Variants in FAM13C observed in about 807,000 individuals in gnomAD.
The protein encoded by FAM13C is family with sequence similarity 13 member C.
FAM13C carries 37 observed loss-of-function variants against 73.2 expected under a neutral mutation model. That is an observed-to-expected ratio of 0.51 (90% CI 0.39 to 0.67). The LOEUF (loss-of-function observed/expected upper bound fraction) is 0.67, where lower values mean the gene tolerates loss of function less well. Among genes scored for constraint, FAM13C ranks in the 30% least tolerant of loss-of-function variants. The pLI is 0.00. For synonymous variants in FAM13C, 246 were observed against 260.9 expected, an observed-to-expected ratio of 0.94 and a Z score of 0.55; for missense variants, 589 against 715.6, an observed-to-expected ratio of 0.82 and a Z score of 2.02.
intron 5 of FAM13C, among the ~76,000 whole-genome samples, chr10:59,289,445 G>A (rs569739714): frequency 3.3e-5 from 5 of 152,180 alleles, no homozygotes; most frequent in Admixed American, 3.3e-4. Context: ...AGGACAGCTT[G>A]CAGTGAATGT....
chr10:59,264,016 T>C (rs977620670), intron 9 of FAM13C, 69 bp downstream of exon 9: 9 of 1,383,532 alleles, frequency 6.5e-6, no homozygotes, highest in African/African-American at 1.4e-5. Context: ...TCTAAAATGC[T>C]CTGGAGCACA....
At chr10:59,310,443 A>G (rs1354340802) in intron 4 of FAM13C, among the ~76,000 whole-genome samples, 2 of 152,316 alleles carry the variant, frequency 1.3e-5, no homozygotes, top group Non-Finnish European at 2.9e-5. Context: ...AGCCCTTAAT[A>G]CCAGTAAATA....
At chr10:59,330,115 G>C (rs1469081121) in intron 3 of FAM13C, among the ~76,000 whole-genome samples, 1 of 152,166 alleles carries the variant, frequency 6.6e-6, no homozygotes, top group Non-Finnish European at 1.5e-5. Context: ...AAACAGCTTT[G>C]ATATACAGTT....
chr10:59,295,549 A>G (rs552077417), intron 5 of FAM13C, among the ~76,000 whole-genome samples: 40 of 152,204 alleles, frequency 2.6e-4, no homozygotes, highest in Non-Finnish European at 5.0e-4. Flanking sequence ...GCTTTTCTCC[A>G]GAACCTCCAG....
At chr10:59,313,679 T>C (rs1177039570) in intron 4 of FAM13C, among the ~76,000 whole-genome samples, 1 of 152,084 alleles carries the variant, frequency 6.6e-6, no homozygotes, top group African/African-American at 2.4e-5. Flanking sequence ...GAAGCTAAGG[T>C]CTAGCTTAAA....
intron 4 of FAM13C, among the ~76,000 whole-genome samples, chr10:59,317,203 T>C (rs1849644739): frequency 6.6e-6 from 1 of 151,906 alleles, no homozygotes; most frequent in Admixed American, 6.6e-5. Flanking sequence ...GACAAATAAC[T>C]ATAACAGAAA....
At chr10:59,352,601 C>G in intron 2 of FAM13C, 127 bp from the exon 3 acceptor site, 1 of 948,652 alleles carries the variant, frequency 1.1e-6, no homozygotes, top group Non-Finnish European at 1.5e-6. Flanking sequence ...AAATTTTTAG[C>G]CTACACTTAG....
rs569545009 is a variant in FAM13C, at chr10:59,362,549, C to T, written c.-89G>A. On this transcript the variant is annotated 5_prime_UTR_variant, in exon 1 of 14. Coordinates refer to ENST00000618804, the MANE Select transcript of FAM13C (RefSeq NM_198215.4). The stretch of plus-strand genomic sequence containing the variant: ...AACATGGCATTGCAAGGCAAGTCTC[C>T]GGGCTCGCCCGGCACGCTCGCTCTA... The T allele has an allele frequency of 3.2e-6, 5 of 1,559,396 alleles. No individual in the cohort carries two copies. The highest frequency in any genetic ancestry group is 1.9e-5 in the Admixed American group (1 of 51,682).
chr10:59,348,577 T>G (rs1242755859), intron 3 of FAM13C, among the ~76,000 whole-genome samples: 1 of 152,210 alleles, frequency 6.6e-6, no homozygotes, highest in Non-Finnish European at 1.5e-5. Context: ...GCCAATGGCT[T>G]TTACTCAGGG....
At chr10:59,304,104 C>T (rs1437483224) in intron 4 of FAM13C, among the ~76,000 whole-genome samples, 5 of 152,102 alleles carry the variant, frequency 3.3e-5, no homozygotes, top group South Asian at 2.1e-4. Flanking sequence ...GCTGAGATTG[C>T]GTCACTGCAC....
At position 59,298,409 on chromosome 10, in the gene FAM13C, G is replaced by T. The variant is rs146556776; in HGVS notation, c.507+4392C>A. Among the ~76,000 whole-genome samples the T allele has an allele frequency of 5.6e-3, 854 of 152,322 alleles. 14 individuals are homozygous for T. Among genetic ancestry groups the T allele is most frequent in the African/African-American group, 0.02 (817 of 41,570 alleles). On this transcript the variant is annotated intron_variant, in intron 5 of 13. Coordinates refer to ENST00000618804, the MANE Select transcript of FAM13C (RefSeq NM_198215.4). Reference sequence around the variant, plus strand: ...AAGGTAAATGCAGAATACCTTCAAAGTATCTATCAGATAAGAAAATAAAGT... The same window carrying T: ...AAGGTAAATGCAGAATACCTTCAAATTATCTATCAGATAAGAAAATAAAGT...
intron 3 of FAM13C, among the ~76,000 whole-genome samples, chr10:59,339,138 G>C (rs1853157056): frequency 6.6e-6 from 1 of 151,934 alleles, no homozygotes; most frequent in Admixed American, 6.6e-5. Context: ...CTCTGTGTCT[G>C]CTCCTCTACT....
intron 4 of FAM13C, among the ~76,000 whole-genome samples, chr10:59,303,721 G>C (rs1847872591): frequency 6.6e-6 from 1 of 152,196 alleles, no homozygotes; most frequent in Admixed American, 6.6e-5. Flanking sequence ...ATCTGTGACA[G>C]GGGAGGGATA....
chr10:59,273,197 C>T (rs1235152443), intron 6 of FAM13C, among the ~76,000 whole-genome samples: 2 of 152,126 alleles, frequency 1.3e-5, no homozygotes, highest in African/African-American at 4.8e-5. Context: ...TTTTTTAAAA[C>T]TAATACACAT....
chr10:59,275,156 G>A (rs936774092), intron 6 of FAM13C, among the ~76,000 whole-genome samples: 4 of 152,188 alleles, frequency 2.6e-5, no homozygotes, highest in African/African-American at 9.7e-5. Context: ...AATATACAAA[G>A]CAAACAGAAA....
chr10:59,332,240 ATGTG>A (rs556199666), intron 3 of FAM13C, among the ~76,000 whole-genome samples: 3 of 151,252 alleles, frequency 2.0e-5, no homozygotes, highest in African/African-American at 7.3e-5. Context: ...TTGTATATAT[ATGTG>A]TGTGTGTGTG....
At chr10:59,275,382 T>C (rs978345199) in intron 6 of FAM13C, among the ~76,000 whole-genome samples, 2 of 152,142 alleles carry the variant, frequency 1.3e-5, no homozygotes, top group African/African-American at 4.8e-5. Flanking sequence ...ACAGGTTGTC[T>C]ACCAAGCCCT....
In FAM13C at chr10:59,246,901, A is replaced by G. The variant is rs1840756142; in HGVS notation, c.*713T>C. ...ACCTATTTTAAATTTTTAATACAAT[A>G]TTTTATTTTAATATAAACATCTGTC... On this transcript the variant is annotated 3_prime_UTR_variant, in exon 14 of 14. Transcript: ENST00000618804. 2 of 319,278 alleles carry G rather than the reference A, an allele frequency of 6.3e-6. No individual in the cohort carries two copies. Among genetic ancestry groups the G allele is most frequent in the East Asian group, 9.7e-5 (2 of 20,628 alleles). The allele number at this position is 319,278 out of a possible 1,614,324, so 19.8% of individuals were successfully genotyped here.
intron 3 of FAM13C, 77 bp downstream of exon 3, chr10:59,352,193 A>G (rs1855134912): frequency 5.8e-6 from 9 of 1,542,928 alleles, no homozygotes; most frequent in Non-Finnish European, 8.0e-6. Context: ...AGTGCGCTCA[A>G]ATCGTCTGCC....
Sources: gnomAD v4.1 joint callset for allele counts (sites outside exome capture counted in the v4.1 genomes callset) on GRCh38, gnomAD v4.1.1 for gene constraint, MANE v1.5 for transcripts, NCBI Gene and HGNC (gene_info 2026-07-23, HGNC 2026-07-21) for gene names.